Variants in TLK2 observed in about 807,000 individuals in gnomAD.
The protein encoded by TLK2 is tousled like kinase 2.
A neutral mutation model predicts 117.3 loss-of-function variants in TLK2; 6 were observed. The observed-to-expected ratio is 0.05, with a 90% CI of 0.03 to 0.10. The LOEUF (loss-of-function observed/expected upper bound fraction) is 0.10, where lower values mean the gene tolerates loss of function less well. Ranked by LOEUF, TLK2 falls within the 10% of genes least tolerant of loss-of-function variation. The pLI, the probability that TLK2 is intolerant of heterozygous loss-of-function variation, is 1.00. For missense variants in TLK2, 299 were observed against 901.2 expected (o/e 0.33, Z 8.56); for synonymous variants, 257 against 316.7 (o/e 0.81, Z 2.00).
intron 7 of TLK2, 84 bp from the exon 8 acceptor site, chr17:62,552,218 T>G (rs2078519184): frequency 9.4e-7 from 1 of 1,058,478 alleles, no homozygotes; most frequent in African/African-American, 1.6e-5. Flanking sequence ...GAGATACAAA[T>G]TATGGAGTTG....
At chr17:62,595,838 TTTAACCTAAGG>T (rs965162465) in intron 16 of TLK2, among the ~76,000 whole-genome samples, 1 of 152,186 alleles carries the variant, frequency 6.6e-6, no homozygotes, top group Non-Finnish European at 1.5e-5. Flanking sequence ...CAGATAATGC[TTTAACCTAAGG>T]GGTTTACATG....
At chr17:62,552,179 C>A in intron 7 of TLK2, 123 bp from the exon 8 acceptor site, 4 of 852,018 alleles carry the variant, frequency 4.7e-6, no homozygotes, top group Non-Finnish European at 7.3e-6. Context: ...CCTGACTTCT[C>A]ACTTTCATAA....
At chr17:62,565,245 C>A in intron 11 of TLK2, 108 bp downstream of exon 11, 1 of 1,407,490 alleles carries the variant, frequency 7.1e-7, no homozygotes, top group Non-Finnish European at 9.5e-7. Context: ...GTCATCTTTT[C>A]AGTTAGTTTT....
At chr17:62,538,555 ATCT>A (rs1357114333) in intron 7 of TLK2, among the ~76,000 whole-genome samples, 1 of 152,186 alleles carries the variant, frequency 6.6e-6, no homozygotes, top group Non-Finnish European at 1.5e-5. Context: ...TCCCCTTTCC[ATCT>A]TCTGTAAAAA....
intron 2 of TLK2, among the ~76,000 whole-genome samples, chr17:62,496,785 C>T (rs541411753): frequency 1.3e-3 from 193 of 151,982 alleles, no homozygotes; most frequent in African/African-American, 4.5e-3. Context: ...GAAACCCCGT[C>T]TCTACTAAAA....
In TLK2 at chr17:62,571,395, T is replaced by A. The variant is rs139927386; in HGVS notation, c.969-1820T>A. 2.6e-3 allele frequency among the ~76,000 whole-genome samples: 397 copies of A among 152,320 alleles called. 2 individuals carry two copies. The highest frequency in any genetic ancestry group is 9.0e-3 in the African/African-American group (376 of 41,574). On this transcript the variant is annotated intron_variant, in intron 11 of 21. Transcript: ENST00000346027. ...TTATGGAATAATAAGGAAAAAAGTT[T>A]GTACATATTCAGTATAGATGCAGCC...
intron 2 of TLK2, among the ~76,000 whole-genome samples, chr17:62,508,991 A>G (rs2074940283): frequency 6.6e-6 from 1 of 152,120 alleles, no homozygotes; most frequent in Admixed American, 6.6e-5. Flanking sequence ...ACAAAACCAG[A>G]ATAGACTCCT....
chr17:62,571,041 T>G (rs978555543), intron 11 of TLK2, among the ~76,000 whole-genome samples: 14 of 152,212 alleles, frequency 9.2e-5, no homozygotes, highest in Admixed American at 9.2e-4. Context: ...TAAAGATGTT[T>G]ACTAGTTTTT....
At chr17:62,586,032 T>G (rs2081583326) in intron 15 of TLK2, 103 bp from the exon 16 acceptor site, 3 of 772,730 alleles carry the variant, frequency 3.9e-6, no homozygotes, top group Non-Finnish European at 2.1e-6. Context: ...TTTAATAATG[T>G]ATTTTGGACT....
At chr17:62,503,240 A>T (rs1285054615) in intron 2 of TLK2, among the ~76,000 whole-genome samples, 2 of 151,478 alleles carry the variant, frequency 1.3e-5, no homozygotes, top group African/African-American at 4.8e-5. Flanking sequence ...TTGTATTTTT[A>T]GTAGAGACGG....
At chr17:62,513,410 A>G (rs1186787086) in intron 2 of TLK2, among the ~76,000 whole-genome samples, 1 of 140,028 alleles carries the variant, frequency 7.1e-6, no homozygotes, top group East Asian at 2.1e-4. Flanking sequence ...GTAACCTTGC[A>G]CTCGCACTCC....
intron 7 of TLK2, among the ~76,000 whole-genome samples, chr17:62,549,398 CAAAAAAAAAAAAAAAAAAAAAAAAA>C (rs777779302): frequency 5.4e-5 from 2 of 37,122 alleles, no homozygotes; most frequent in Non-Finnish European, 1.0e-4. Flanking sequence ...GACTCCATCT[CAAAAAAAAAAAAAAAAAAAAAAAAA>C]AAAAAAAAAA....
intron 2 of TLK2, among the ~76,000 whole-genome samples, chr17:62,494,620 A>T (rs2073458243): frequency 6.6e-6 from 1 of 151,720 alleles, no homozygotes; most frequent in Non-Finnish European, 1.5e-5. Context: ...TCCTGACCTC[A>T]GGTGATCCAC....
chr17:62,475,709 G>C (rs1411431895), upstream of TLK2, among the ~76,000 whole-genome samples: 30 of 151,410 alleles, frequency 2.0e-4, 1 homozygote, highest in Admixed American at 2.0e-3. Flanking sequence ...ACCCAGGCTG[G>C]AGTGCAGTGG....
intron 2 of TLK2, among the ~76,000 whole-genome samples, chr17:62,492,706 A>G (rs1184922207): frequency 6.6e-6 from 1 of 151,514 alleles, no homozygotes; most frequent in Non-Finnish European, 1.5e-5. Context: ...TGATCCACCC[A>G]CCTTGGCCTC....
chr17:62,537,948 G>C (rs1481713808), intron 7 of TLK2, among the ~76,000 whole-genome samples: 1 of 150,964 alleles, frequency 6.6e-6, no homozygotes, highest in African/African-American at 2.4e-5. Flanking sequence ...GTATGCTATA[G>C]TATTGTTCTA....
At chr17:62,521,315 A>G (rs1458985615) in intron 3 of TLK2, among the ~76,000 whole-genome samples, 1 of 151,992 alleles carries the variant, frequency 6.6e-6, no homozygotes, top group East Asian at 1.9e-4. Flanking sequence ...TACATGTCTT[A>G]AAATTTTTGC....
intron 6 of TLK2, among the ~76,000 whole-genome samples, chr17:62,533,462 C>CTG (rs1320728954): frequency 1.1e-3 from 145 of 128,288 alleles, no homozygotes; most frequent in African/African-American, 3.5e-3. Context: ...GTGTGTGTGT[C>CTG]TGTGTGTGTG....
At chr17:62,527,667 A>G (rs1271331162) in intron 6 of TLK2, among the ~76,000 whole-genome samples, 1 of 152,024 alleles carries the variant, frequency 6.6e-6, no homozygotes, top group Non-Finnish European at 1.5e-5. Flanking sequence ...TTGGTGTGTT[A>G]TAAGTTTAAT....
Sources: gnomAD v4.1 joint callset for allele counts (sites outside exome capture counted in the v4.1 genomes callset) on GRCh38, gnomAD v4.1.1 for gene constraint, MANE v1.5 for transcripts, NCBI Gene and HGNC (gene_info 2026-07-23, HGNC 2026-07-21) for gene names.